Variants in BTD observed in about 807,000 individuals in gnomAD.
The protein encoded by BTD is biotinidase.
A neutral mutation model predicts 17.7 loss-of-function variants in BTD; 13 were observed. That is an observed-to-expected ratio of 0.74 (90% CI 0.48 to 1.17). The LOEUF is 1.17. Among genes scored for constraint, BTD ranks in the 50% most tolerant of loss-of-function variants. The probability of loss-of-function intolerance (pLI) is 0.00; values close to 1 mark genes in which losing one functional copy is unlikely to be tolerated. For synonymous variants in BTD, 240 were observed against 245.2 expected, an observed-to-expected ratio of 0.98 and a Z score of 0.20; for missense variants, 674 against 650.4, an observed-to-expected ratio of 1.04 and a Z score of -0.39.
intron 3 of BTD, chr3:15,695,219 A>G: frequency 6.3e-7 from 1 of 1,576,228 alleles, no homozygotes; most frequent in Admixed American, 1.8e-5. Context: ...TGCAATCTGA[A>G]ATAAAAGTCA....
intron 3 of BTD, among the ~76,000 whole-genome samples, chr3:15,674,265 T>C (rs973899097): frequency 1.3e-5 from 2 of 150,634 alleles, no homozygotes; most frequent in Admixed American, 6.6e-5. Context: ...GTCAGTCTGG[T>C]AGCAGTAAAG....
Position 15,652,126 on chromosome 3 carries a change from A to T in BTD, c.*6638A>T, listed in dbSNP as rs2065814553. Reference sequence around the variant, plus strand: ...GGCGGATCACAAGGTTAGGAGTTCAAGACCAGTCTGGCCAATATGGTGAAA... The same window carrying T: ...GGCGGATCACAAGGTTAGGAGTTCATGACCAGTCTGGCCAATATGGTGAAA... On this transcript the variant is annotated 3_prime_UTR_variant, in exon 4 of 4. Coordinates refer to ENST00000643237, the MANE Select transcript of BTD (RefSeq NM_001370658.1). Among the ~76,000 whole-genome samples the T allele has an allele frequency of 6.6e-6, 1 of 152,238 alleles. No individual in the cohort carries two copies. Among genetic ancestry groups the T allele is most frequent in the African/African-American group, 2.4e-5 (1 of 41,464 alleles).
chr3:15,699,051 C>A (rs1047883733), intron 3 of BTD, among the ~76,000 whole-genome samples: 1 of 152,118 alleles, frequency 6.6e-6, no homozygotes, highest in Non-Finnish European at 1.5e-5. Context: ...GTATATAGAA[C>A]AATGGAACAG....
chr3:15,607,085 A>T (rs2064480844), intron 1 of BTD, among the ~76,000 whole-genome samples: 1 of 151,608 alleles, frequency 6.6e-6, no homozygotes, highest in South Asian at 2.1e-4. Context: ...GGATTCCAGG[A>T]TTCTTTTGTA....
chr3:15,672,032 T>C (rs1021266297), intron 3 of BTD, among the ~76,000 whole-genome samples: 2 of 152,228 alleles, frequency 1.3e-5, no homozygotes, highest in Admixed American at 1.3e-4. Context: ...ATACAGTATT[T>C]CATTGTGTGA....
Position 15,653,196 on chromosome 3 carries a change from A to G in BTD, c.*7708A>G, listed in dbSNP as rs1444665010. 1.3e-5 allele frequency among the ~76,000 whole-genome samples: 2 copies of G among 152,144 alleles called. No homozygotes were observed. The highest frequency in any genetic ancestry group is 2.4e-5 in the African/African-American group (1 of 41,416). On this transcript the variant is annotated 3_prime_UTR_variant, in exon 4 of 4. Transcript: ENST00000643237. ...CTCCACCCCAGATCAACTTAATCGG[A>G]CTCTCTGGGAGTAGGGCCCATCAAT...
At chr3:15,603,487 C>G (rs1323564269) in intron 1 of BTD, among the ~76,000 whole-genome samples, 1 of 152,050 alleles carries the variant, frequency 6.6e-6, no homozygotes, top group Non-Finnish European at 1.5e-5. Context: ...GAAACCCTAT[C>G]TCTACTAAAA....
At chr3:15,603,109 C>T (rs2064325884) in intron 1 of BTD, among the ~76,000 whole-genome samples, 1 of 152,192 alleles carries the variant, frequency 6.6e-6, no homozygotes, top group Non-Finnish European at 1.5e-5. Flanking sequence ...TCAGTTACTT[C>T]CCACTGGGTC....
At chr3:15,641,776 C>A in intron 2 of BTD, 132 bp from the exon 3 acceptor site, 1 of 721,856 alleles carries the variant, frequency 1.4e-6, no homozygotes, top group Non-Finnish European at 2.5e-6. Context: ...AAGACACCAT[C>A]TCTGTGCCTC....
intron 1 of BTD, among the ~76,000 whole-genome samples, chr3:15,607,764 TTAAAAA>T (rs1206042671): frequency 3.3e-5 from 5 of 152,136 alleles, no homozygotes; most frequent in African/African-American, 4.8e-5. Context: ...ACTGAATATC[TTAAAAA>T]TAAAAAGGCG....
chr3:15,605,756 G>GA (rs1001418467), intron 1 of BTD, among the ~76,000 whole-genome samples: 3 of 152,118 alleles, frequency 2.0e-5, no homozygotes, highest in African/African-American at 7.2e-5. Context: ...AGAAAGATGT[G>GA]AAACGGGCTG....
chr3:15,684,098 C>A (rs919323884), intron 3 of BTD: 1 of 152,160 alleles, frequency 6.6e-6, no homozygotes, highest in Non-Finnish European at 1.5e-5. Flanking sequence ...CCTCTAATTT[C>A]TCTACTAAAG....
intron 3 of BTD, among the ~76,000 whole-genome samples, chr3:15,680,990 T>C (rs1409196680): frequency 1.3e-5 from 2 of 152,180 alleles, no homozygotes; most frequent in African/African-American, 4.8e-5. Flanking sequence ...TTAGGAAGTA[T>C]TTTTGTAGGA....
chr3:15,641,745 C>G (rs140210475), intron 2 of BTD, among the ~76,000 whole-genome samples, 163 bp from the exon 3 acceptor site: 1 of 152,292 alleles, frequency 6.6e-6, no homozygotes, highest in Non-Finnish European at 1.5e-5. Context: ...ATCCCCAAGA[C>G]TAAGATCTCT....
At chr3:15,617,129 G>A (rs777473715) in intron 1 of BTD, among the ~76,000 whole-genome samples, 2 of 152,100 alleles carry the variant, frequency 1.3e-5, no homozygotes, top group African/African-American at 2.4e-5. Context: ...CACCATGCCC[G>A]GCCTTTTGCC....
Position 15,647,900 on chromosome 3 carries a change from G to C in BTD, c.*2412G>C, listed in dbSNP as rs2065730824. 6.6e-6 allele frequency among the ~76,000 whole-genome samples: 1 copy of C among 152,124 alleles called. No homozygotes were observed. The highest frequency in any genetic ancestry group is 2.4e-5 in the African/African-American group (1 of 41,406). On this transcript the variant is annotated 3_prime_UTR_variant, in exon 4 of 4. Transcript: ENST00000643237. ...ATTTAAAAGCCCTGTTCTTAGAGAG[G>C]AAAAAACCAGGCCTCCTCACAGACT...
chr3:15,658,604 G>A (rs1373891159), downstream of BTD, among the ~76,000 whole-genome samples: 6 of 152,040 alleles, frequency 3.9e-5, no homozygotes, highest in Non-Finnish European at 8.8e-5. Flanking sequence ...CAGAGTGGAA[G>A]CTACCCTGCC....
intron 3 of BTD, chr3:15,678,133 A>T: frequency 7.2e-7 from 1 of 1,391,242 alleles, no homozygotes; most frequent in African/African-American, 1.4e-5. Flanking sequence ...AGTTGAAGTC[A>T]GAAGTCTTGG....
intron 1 of BTD, among the ~76,000 whole-genome samples, chr3:15,626,143 C>T (rs1374776673): frequency 1.3e-5 from 2 of 152,076 alleles, no homozygotes; most frequent in Non-Finnish European, 2.9e-5. Context: ...TTGTGTATGG[C>T]CTAAGATGCT....
Sources: gnomAD v4.1 joint callset for allele counts (sites outside exome capture counted in the v4.1 genomes callset) on GRCh38, gnomAD v4.1.1 for gene constraint, MANE v1.5 for transcripts, NCBI Gene and HGNC (gene_info 2026-07-23, HGNC 2026-07-21) for gene names.